The following IRS2 variants were observed in gnomAD, a reference collection of about 807,000 sequenced individuals.
IRS2 encodes the protein insulin receptor substrate 2.
A neutral mutation model predicts 70.9 loss-of-function variants in IRS2; 28 were observed. That is an observed-to-expected ratio of 0.39 (90% CI 0.29 to 0.54). The LOEUF is 0.54. IRS2 is among the 20% of genes least tolerant of loss of function. The pLI is 0.59. For missense variants in IRS2, 2,081 were observed against 2,024.1 expected (o/e 1.03, Z -0.54); for synonymous variants, 1,217 against 981.9 (o/e 1.24, Z -4.48).
intron 1 of IRS2, among the ~76,000 whole-genome samples, 187 bp downstream of exon 1, chr13:109,781,855 T>C (rs1877711354): frequency 6.6e-6 from 1 of 152,168 alleles, no homozygotes; most frequent in Non-Finnish European, 1.5e-5. Context: ...CCAAGACGAA[T>C]GTTCCTGGCA....
chr13:109,772,963 G>A (rs937022711), intron 1 of IRS2, among the ~76,000 whole-genome samples: 1 of 152,068 alleles, frequency 6.6e-6, no homozygotes, highest in Admixed American at 6.5e-5. Context: ...CCAAAGTGCT[G>A]GGATTACAGG....
chr13:109,761,676 GA>G (rs374758139), intron 1 of IRS2, among the ~76,000 whole-genome samples: 2 of 151,410 alleles, frequency 1.3e-5, no homozygotes, highest in African/African-American at 4.9e-5. Context: ...TTTTAAATTG[GA>G]AAAAAAACTA....
intron 1 of IRS2, among the ~76,000 whole-genome samples, chr13:109,757,458 T>G (rs1877131001): frequency 6.6e-6 from 1 of 152,118 alleles, no homozygotes; most frequent in African/African-American, 2.4e-5. Context: ...CATCTTAAGT[T>G]TAGAGGACTG....
At position 109,783,629 on chromosome 13, in the gene IRS2, A is replaced by G. The variant is rs1877801206; in HGVS notation, c.2425T>C (p.Ser809Pro). The change falls in exon 1 of 2, where the codon TCC becomes CCC. Residue 809 changes from serine to proline, a missense_variant. Transcript: ENST00000375856. ...CCACAGGTGTAGGGGGCCTTGTAGG[A>G]GCGGGGCAAGGAGCTGTAGCAGCAG... ...PGCCYSSLPR[S>P]YKAPYTCGGD... 6.5e-7 allele frequency: 1 copy of G among 1,550,128 alleles called. No homozygotes were observed. The highest frequency in any genetic ancestry group is 8.7e-7 in the Non-Finnish European group (1 of 1,145,740).
At position 109,753,905 on chromosome 13, in the gene IRS2, C is replaced by T; in HGVS notation, c.*2399G>A. ...TTAAGGAGGGCATCCATGATCAATACAGACTAAATACAATGCACTATTCTA... is the reference window on the plus strand; with the variant it reads ...TTAAGGAGGGCATCCATGATCAATATAGACTAAATACAATGCACTATTCTA... On this transcript the variant is annotated 3_prime_UTR_variant, in exon 2 of 2. Coordinates refer to ENST00000375856, the MANE Select transcript of IRS2 (RefSeq NM_003749.3). 4.3e-6 allele frequency: 1 copy of T among 231,322 alleles called. No homozygotes were observed. The highest frequency in any genetic ancestry group is 8.6e-6 in the Non-Finnish European group (1 of 116,694). The allele number at this position is 231,322 out of a possible 1,614,324, so 14.3% of individuals were successfully genotyped here.
At chr13:109,764,814 C>T (rs903842110) in intron 1 of IRS2, among the ~76,000 whole-genome samples, 5 of 152,138 alleles carry the variant, frequency 3.3e-5, no homozygotes, top group African/African-American at 7.2e-5. Context: ...AAACAACTGC[C>T]GAATGCACAA....
chr13:109,782,488 C>T lies in IRS2; in HGVS notation c.3566G>A (p.Gly1189Asp). ...GCCCCCTCCAGGGCCGACACCCACG[C>T]CGCCCTCGCTGCTTTTCCTGAGAGA... is the stretch of plus-strand genomic sequence containing the variant. ...NVSLRKSSEG[G>D]VGVGPGGGDE... The change falls in exon 1 of 2, where the codon GGC becomes GAC. Residue 1189 changes from glycine to aspartate, a missense_variant. Gly to Asp is a moderately conservative substitution (Grantham distance 94). Coordinates refer to ENST00000375856, the MANE Select transcript of IRS2 (RefSeq NM_003749.3). The T allele has an allele frequency of 6.4e-7, 1 of 1,554,878 alleles. No individual in the cohort carries two copies. The highest frequency in any genetic ancestry group is 8.7e-7 in the Non-Finnish European group (1 of 1,150,274).
rs1262633317 is a variant in IRS2, at chr13:109,753,540, T to G, written c.*2764A>C. On this transcript the variant is annotated 3_prime_UTR_variant, in exon 2 of 2. Transcript: ENST00000375856. Reference sequence around the variant, plus strand: ...CAATTCTTACCTCCTAAGATTGTCATGAGCTATCAAGAAGTTAATATTTGT... The same window carrying G: ...CAATTCTTACCTCCTAAGATTGTCAGGAGCTATCAAGAAGTTAATATTTGT... 1 of 153,522 alleles carries G rather than the reference T, an allele frequency of 6.5e-6. No homozygotes were observed. The highest frequency in any genetic ancestry group is 1.5e-5 in the Non-Finnish European group (1 of 68,760). The allele number at this position is 153,522 out of a possible 1,614,324, so 9.5% of individuals were successfully genotyped here.
rs1020638487 is a variant in IRS2, at chr13:109,784,772, T to C, written c.1282A>G (p.Ser428Gly). ...LLPAGGALQH[S>G]RSMSMPVAHS... ...GCCACGGGCATGGACATGGAGCGGC[T>C]GTGTTGCAGCGCGCCCCCTGCCGGC... Residue 428 changes from serine (S) to glycine (G), a missense_variant, in exon 1 of 2, where the codon AGC (serine) becomes GGC (glycine). By Grantham distance (56) the Ser-to-Gly change is moderately conservative. This residue lies in a region of IRS2 where 1,615 missense variants were observed against 1,459.5 expected (regional missense o/e 1.11). Transcript: ENST00000375856. The surrounding 1 kb of genome is among the most constrained non-coding windows in gnomAD (Gnocchi z 5.2). The C allele has an allele frequency of 8.0e-6, 10 of 1,251,186 alleles. No individual in the cohort carries two copies. In the African/African-American group the frequency reaches 1.6e-4, roughly 20 times the overall value. The allele number at this position is 1,251,186 out of a possible 1,614,324, so 77.5% of individuals were successfully genotyped here. A position where few individuals can be genotyped will look rare whatever the true frequency, so the allele number is the denominator to read the frequency against.
intron 1 of IRS2, among the ~76,000 whole-genome samples, chr13:109,773,265 C>G (rs1877498785): frequency 6.6e-6 from 1 of 152,080 alleles, no homozygotes; most frequent in South Asian, 2.1e-4. Context: ...AGATAACCAC[C>G]TAGCAACAAC....
Position 109,783,925 on chromosome 13 carries a change from G to T in IRS2, c.2129C>A (p.Pro710Gln). 2 of 1,539,306 alleles carry T rather than the reference G, an allele frequency of 1.3e-6. No individual in the cohort carries two copies. The highest frequency in any genetic ancestry group is 1.7e-6 in the Non-Finnish European group (2 of 1,144,094). The change falls in exon 1 of 2, where the codon CCA (proline) becomes CAA (glutamine). Residue 710 changes from proline to glutamine, a missense_variant. Physicochemically the swap from Pro to Gln is moderately conservative, Grantham distance 76. This residue lies in a region of IRS2 where 1,615 missense variants were observed against 1,459.5 expected (regional missense o/e 1.11). Coordinates refer to ENST00000375856, the MANE Select transcript of IRS2 (RefSeq NM_003749.3). The part of the protein sequence containing the change: ...AAVPSAGPAG[P>Q]APTSAAGRTF... ...CCTGCCCGCCGCAGAGGTGGGTGCT[G>T]GCCCCGCAGGCCCCGCAGAAGGCAC...
rs1252564469 is a variant in IRS2 at position 109,785,556 on chromosome 13, G to A, written c.498C>T (p.Ser166=). 1 of 1,480,638 alleles carries A rather than the reference G, an allele frequency of 6.8e-7. No homozygotes were observed. Among genetic ancestry groups the A allele is most frequent in the African/African-American group, 1.4e-5 (1 of 69,202 alleles). The allele number at this position is 1,480,638 out of a possible 1,614,324, so 91.7% of individuals were successfully genotyped here. A position where few individuals can be genotyped will look rare whatever the true frequency, so the allele number is the denominator to read the frequency against. The stretch of plus-strand genomic sequence containing the variant: ...CAGAGCCGCCCAGGGCGCCGGGCAG[G>A]GAGGCGCTGCAGGACGCGGCGGGCG... The part of the protein sequence containing the change: ...AAAPAASCSA[S]LPGALGGSAG... The change falls in exon 1 of 2, where the codon TCC becomes TCT. Residue 166 remains serine (S), a synonymous_variant. Coordinates refer to ENST00000375856, the MANE Select transcript of IRS2 (RefSeq NM_003749.3). This position sits in a 1 kb window ranked among gnomAD's most constrained non-coding sequence, Gnocchi z 9.3.
Position 109,783,843 on chromosome 13 carries a change from G to A in IRS2, c.2211C>T (p.Pro737=), listed in dbSNP as rs571706071. The change falls in exon 1 of 2, where the codon CCC becomes CCT. Residue 737 remains proline, a synonymous_variant. Transcript: ENST00000375856. ...YKASSPAESS[P]EDSGYMRMWC... ...ACATGCGCATGTACCCACTGTCCTCGGGGGAGCTCTCGGCGGGCGAGCTGG... is the reference window on the plus strand; with the variant it reads ...ACATGCGCATGTACCCACTGTCCTCAGGGGAGCTCTCGGCGGGCGAGCTGG... 1.3e-5 allele frequency: 20 copies of A among 1,574,148 alleles called. No individual in the cohort carries two copies. In the African/African-American group the frequency reaches 2.0e-4, roughly 16 times the overall value.
At chr13:109,775,246 G>A (rs1391892111) in intron 1 of IRS2, among the ~76,000 whole-genome samples, 1 of 151,170 alleles carries the variant, frequency 6.6e-6, no homozygotes, top group Non-Finnish European at 1.5e-5. Flanking sequence ...AGCCTCCTGA[G>A]TAGCTGGGAC....
At chr13:109,781,794 G>A (rs540474337) in intron 1 of IRS2, among the ~76,000 whole-genome samples, 1 of 151,612 alleles carries the variant, frequency 6.6e-6, no homozygotes, top group East Asian at 1.9e-4. Context: ...TGAATGGGTG[G>A]GGCCTCAAAA....
intron 1 of IRS2, among the ~76,000 whole-genome samples, chr13:109,763,414 T>C (rs1050521015): frequency 6.6e-6 from 1 of 152,154 alleles, no homozygotes; most frequent in Admixed American, 6.5e-5. Flanking sequence ...TGAATTTCTC[T>C]TAGCTACCGC....
chr13:109,783,916 G>A lies in IRS2; in HGVS notation c.2138C>T (p.Thr713Ile), dbSNP rs1264692354. ...CGGGAATGTCCTGCCCGCCGCAGAGGTGGGTGCTGGCCCCGCAGGCCCCGC... is the reference window on the plus strand; with the variant it reads ...CGGGAATGTCCTGCCCGCCGCAGAGATGGGTGCTGGCCCCGCAGGCCCCGC... ...PSAGPAGPAP[T>I]SAAGRTFPAS... Residue 713 changes from threonine (T) to isoleucine (I), a missense_variant, in exon 1 of 2, where the codon ACC becomes ATC. Thr to Ile is a moderately conservative substitution (Grantham distance 89). Transcript: ENST00000375856. The A allele has an allele frequency of 1.3e-6, 2 of 1,543,994 alleles. No homozygotes were observed. The highest frequency in any genetic ancestry group is 1.7e-6 in the Non-Finnish European group (2 of 1,145,912).
At position 109,763,451 on chromosome 13, in the gene IRS2, C is replaced by T. The variant is rs558887744; in HGVS notation, c.4013-7143G>A. ...ATTCTATTTGATTTTTCATGCATAA[C>T]ACAAAAGTGCTCAATAAATCTAATC... On this transcript the variant is annotated intron_variant, in intron 1 of 1. Coordinates refer to ENST00000375856, the MANE Select transcript of IRS2 (RefSeq NM_003749.3). Among the ~76,000 whole-genome samples the T allele has an allele frequency of 2.0e-5, 3 of 152,318 alleles. No homozygotes were observed. In the South Asian group the frequency reaches 6.2e-4, roughly 32 times the overall value.
chr13:109,769,773 C>A (rs1323896250), intron 1 of IRS2, among the ~76,000 whole-genome samples: 4 of 152,190 alleles, frequency 2.6e-5, no homozygotes, highest in African/African-American at 9.7e-5. Context: ...CTAGCCTATT[C>A]TTTCATATTG....
Sources: allele counts gnomAD v4.1 joint callset (sites outside exome capture counted in the v4.1 genomes callset), GRCh38; gene constraint gnomAD v4.1.1; regional missense constraint gnomAD v4.1.1; non-coding constraint Gnocchi (gnomAD v3.1); transcripts MANE v1.5; gene names NCBI Gene and HGNC (gene_info 2026-07-23, HGNC 2026-07-21).